The following CSMD2 variants were observed in gnomAD, a reference collection of about 807,000 sequenced individuals.
The protein encoded by CSMD2 is CUB and Sushi multiple domains 2.
A neutral mutation model predicts 398.5 loss-of-function variants in CSMD2; 130 were observed. The ratio of observed to expected loss-of-function variants is 0.33; its 90% CI spans 0.28 to 0.38. The LOEUF (loss-of-function observed/expected upper bound fraction) is 0.38. Ranked by LOEUF, CSMD2 falls within the 10% of genes least tolerant of loss-of-function variation. The probability of loss-of-function intolerance (pLI) is 1.00; values close to 1 mark genes in which losing one functional copy is unlikely to be tolerated. For synonymous variants in CSMD2, 1,828 were observed against 1,908.5 expected, an observed-to-expected ratio of 0.96 and a Z score of 1.10; for missense variants, 3,829 against 4,764.9, an observed-to-expected ratio of 0.80 and a Z score of 5.78.
chr1:33,989,013 CATATATATATATATATATATAT>C lies in CSMD2; in HGVS notation c.517+43559_517+43580del, dbSNP rs71029018. ...ACAGGTAAAAATCTCTCTCTCTCTC[CATATATATATATATATATATAT>C]ATATATATATATATATATATATATA... On this transcript the variant is annotated intron_variant, in intron 3 of 70. Transcript: ENST00000373381. 9.3e-3 allele frequency among the ~76,000 whole-genome samples: 883 copies of C among 94,784 alleles called. 15 individuals are homozygous for C. The highest frequency in any genetic ancestry group is 0.013 in the African/African-American group (336 of 25,162). 62.2% of individuals were successfully genotyped at this position (94,784 alleles called of 152,430 possible). A position where few individuals can be genotyped will look rare whatever the true frequency, so the allele number is the denominator to read the frequency against.
At chr1:34,041,286 A>G (rs948597922) in intron 2 of CSMD2, among the ~76,000 whole-genome samples, 2 of 152,148 alleles carry the variant, frequency 1.3e-5, no homozygotes, top group African/African-American at 4.8e-5. Context: ...TTCAGGTGTC[A>G]CTGAGGCCTT....
intron 53 of CSMD2, among the ~76,000 whole-genome samples, chr1:33,563,958 C>A (rs926105923): frequency 1.7e-4 from 26 of 152,058 alleles, no homozygotes; most frequent in Non-Finnish European, 1.3e-4. Flanking sequence ...TTTATTCTTG[C>A]TTTCCTCCTC....
chr1:33,979,543 C>T (rs763762631), intron 3 of CSMD2, among the ~76,000 whole-genome samples: 2 of 152,196 alleles, frequency 1.3e-5, no homozygotes, highest in Admixed American at 6.5e-5. Flanking sequence ...ACTGTGAATG[C>T]CAATCCATTT....
intron 3 of CSMD2, among the ~76,000 whole-genome samples, chr1:33,982,772 CT>C (rs1451421779): frequency 1.2e-4 from 18 of 152,202 alleles, no homozygotes; most frequent in Non-Finnish European, 1.5e-5. Context: ...GCTGGATCTA[CT>C]GTGGCCTTGG....
intron 10 of CSMD2, among the ~76,000 whole-genome samples, chr1:33,803,605 C>G (rs1655871475): frequency 6.6e-6 from 1 of 152,162 alleles, no homozygotes. Flanking sequence ...AATAAGACCT[C>G]TCTTCCTCCC....
intron 14 of CSMD2, among the ~76,000 whole-genome samples, chr1:33,739,744 GAC>G (rs916941164): frequency 3.9e-5 from 6 of 152,124 alleles, no homozygotes; most frequent in African/African-American, 1.4e-4. Context: ...CCTAACTTCA[GAC>G]AGTTATGGGA....
chr1:33,689,069 A>C (rs1188570689), intron 25 of CSMD2, among the ~76,000 whole-genome samples: 1 of 143,436 alleles, frequency 7.0e-6, no homozygotes, highest in Non-Finnish European at 1.5e-5. Flanking sequence ...AGGGAGTGGG[A>C]AAGAAGGAGG....
chr1:33,801,740 C>T (rs1380433209), intron 10 of CSMD2, among the ~76,000 whole-genome samples: 1 of 152,148 alleles, frequency 6.6e-6, no homozygotes, highest in African/African-American at 2.4e-5. Flanking sequence ...TTTGGACTGT[C>T]TCTCAAAGGG....
At chr1:33,905,314 T>C (rs199746429) in intron 5 of CSMD2, among the ~76,000 whole-genome samples, 43 of 152,056 alleles carry the variant, frequency 2.8e-4, no homozygotes, top group Non-Finnish European at 5.3e-4. Flanking sequence ...AGAGTGGACG[T>C]TGGAAGAAAC....
chr1:33,526,752 T>A (rs781015645), intron 65 of CSMD2, among the ~76,000 whole-genome samples: 54 of 152,318 alleles, frequency 3.5e-4, no homozygotes, highest in Non-Finnish European at 6.6e-4. Flanking sequence ...GATGTGATAG[T>A]CTCTAAGAAT....
At chr1:33,806,023 A>T (rs1346383466) in intron 10 of CSMD2, among the ~76,000 whole-genome samples, 2 of 152,118 alleles carry the variant, frequency 1.3e-5, no homozygotes, top group South Asian at 4.1e-4. Context: ...ACCTTTTAAA[A>T]ATTCGGTCAA....
intron 6 of CSMD2, 86 bp from the exon 7 acceptor site, chr1:33,825,860 C>A (rs1048364123): frequency 2.1e-5 from 23 of 1,097,420 alleles, no homozygotes; most frequent in Non-Finnish European, 2.8e-5. Context: ...CCCCCTTGTG[C>A]CTTGGAACAT....
chr1:33,926,410 C>T (rs1226081455), intron 4 of CSMD2, among the ~76,000 whole-genome samples: 1 of 152,136 alleles, frequency 6.6e-6, no homozygotes, highest in Non-Finnish European at 1.5e-5. Flanking sequence ...GATTTCTGGA[C>T]TTGTGCTAGA....
chr1:33,689,132 G>A (rs1192448333), intron 25 of CSMD2, among the ~76,000 whole-genome samples: 1 of 149,372 alleles, frequency 6.7e-6, no homozygotes, highest in Non-Finnish European at 1.5e-5. Flanking sequence ...GGGAAGGGGA[G>A]AGAAAGGGGG....
At chr1:33,874,430 G>T (rs1181611821) in intron 5 of CSMD2, among the ~76,000 whole-genome samples, 1 of 152,154 alleles carries the variant, frequency 6.6e-6, no homozygotes, top group Admixed American at 6.5e-5. Flanking sequence ...ATGAACAATT[G>T]AATCATGAGA....
chr1:33,573,716 AAG>A (rs1224130680), intron 49 of CSMD2, among the ~76,000 whole-genome samples: 1 of 152,334 alleles, frequency 6.6e-6, no homozygotes, highest in Non-Finnish European at 1.5e-5. Flanking sequence ...GAGCTCCAAA[AAG>A]AGAGAACACA....
chr1:33,799,278 G>T (rs6679688), intron 10 of CSMD2, among the ~76,000 whole-genome samples: 120,768 of 152,174 alleles, frequency 0.79, 48,844 homozygotes, highest in East Asian at 0.96. Flanking sequence ...AAATATTTAT[G>T]GTCTAGCTCT....
At chr1:34,038,987 C>G (rs1016327274) in intron 2 of CSMD2, among the ~76,000 whole-genome samples, 1 of 152,202 alleles carries the variant, frequency 6.6e-6, no homozygotes, top group Non-Finnish European at 1.5e-5. Flanking sequence ...ATTTAGAACA[C>G]TTTCTAACCC....
At chr1:34,099,302 C>A (rs1659716127) in intron 1 of CSMD2, among the ~76,000 whole-genome samples, 1 of 152,202 alleles carries the variant, frequency 6.6e-6, no homozygotes, top group African/African-American at 2.4e-5. Flanking sequence ...GCCATGGGGA[C>A]CTGGATCATA....
Sources: gnomAD v4.1 joint callset for allele counts (sites outside exome capture counted in the v4.1 genomes callset) on GRCh38, gnomAD v4.1.1 for gene constraint, MANE v1.5 for transcripts, NCBI Gene and HGNC (gene_info 2026-07-23, HGNC 2026-07-21) for gene names.